Variants in MAGI2 observed in about 807,000 individuals in gnomAD.
The protein encoded by MAGI2 is membrane-associated guanylate kinase, WW and PDZ domain-containing protein 2.
A neutral mutation model predicts 133.3 loss-of-function variants in MAGI2; 35 were observed. The observed-to-expected ratio is 0.26, with a 90% CI of 0.20 to 0.35. The LOEUF (loss-of-function observed/expected upper bound fraction) is 0.35. Among genes scored for constraint, MAGI2 ranks in the 10% least tolerant of loss-of-function variants. The pLI, the probability that MAGI2 is intolerant of heterozygous loss-of-function variation, is 1.00. For synonymous variants in MAGI2, 729 were observed against 710.6 expected, an observed-to-expected ratio of 1.03 and a Z score of -0.41; for missense variants, 1,636 against 1,863.4, an observed-to-expected ratio of 0.88 and a Z score of 2.25.
intron 1 of MAGI2, among the ~76,000 whole-genome samples, chr7:79,444,885 G>A (rs1243286870): frequency 6.6e-6 from 1 of 152,170 alleles, no homozygotes; most frequent in Admixed American, 6.5e-5. Context: ...GAACAAAGCT[G>A]GAGGCATCAC....
chr7:78,831,574 G>A (rs944328468), intron 2 of MAGI2, among the ~76,000 whole-genome samples: 7 of 152,010 alleles, frequency 4.6e-5, no homozygotes, highest in African/African-American at 1.7e-4. Flanking sequence ...TTTATTAGAG[G>A]TTTAATTCTT....
At chr7:78,332,689 C>T (rs1297702044) in intron 9 of MAGI2, among the ~76,000 whole-genome samples, 2 of 109,344 alleles carry the variant, frequency 1.8e-5, no homozygotes, top group African/African-American at 7.5e-5. Context: ...CAGAGCGAGA[C>T]TCCGTCTCAA....
intron 14 of MAGI2, among the ~76,000 whole-genome samples, chr7:78,174,483 T>C (rs1184679930): frequency 6.6e-6 from 1 of 152,260 alleles, no homozygotes; most frequent in Non-Finnish European, 1.5e-5. Flanking sequence ...AGTTGTATTT[T>C]ATTTTGAGCA....
chr7:78,524,224 A>G (rs117029959), intron 3 of MAGI2, among the ~76,000 whole-genome samples: 11,598 of 152,228 alleles, frequency 0.076, 561 homozygotes, highest in Non-Finnish European at 0.11. Flanking sequence ...CTCCCCGGGT[A>G]GAAAGAGCCT....
chr7:78,658,678 T>C (rs918274556), intron 2 of MAGI2, among the ~76,000 whole-genome samples: 1 of 152,136 alleles, frequency 6.6e-6, no homozygotes, highest in East Asian at 1.9e-4. Context: ...CAAGAGTAAG[T>C]GGATATACGG....
rs149538036 is a variant in MAGI2, at chr7:78,761,527, G to T, written c.419-134288C>A. On this transcript the variant is annotated intron_variant, in intron 2 of 21. Coordinates refer to ENST00000354212, the MANE Select transcript of MAGI2 (RefSeq NM_012301.4). ...GTCCCCCAGGCTGGAGTGTTGTGGT[G>T]TGATTTCAGCTCACTGCAACCTCTG... Among the ~76,000 whole-genome samples the T allele has an allele frequency of 7.7e-3, 1,160 of 149,754 alleles. 8 individuals are homozygous for T. The highest frequency in any genetic ancestry group is 0.027 in the African/African-American group (1,101 of 40,666).
At position 78,723,144 on chromosome 7, in the gene MAGI2, A is replaced by T. The variant is rs151049489; in HGVS notation, c.419-95905T>A. The stretch of plus-strand genomic sequence containing the variant: ...TAGAAACGCATGATTAATCTTTTAA[A>T]TAATATCCTAATATTGTTTAAATAT... On this transcript the variant is annotated intron_variant, in intron 2 of 21. Coordinates refer to ENST00000354212, the MANE Select transcript of MAGI2 (RefSeq NM_012301.4). 1.6e-3 allele frequency among the ~76,000 whole-genome samples: 240 copies of T among 152,334 alleles called. 1 individual carries two copies. The highest frequency in any genetic ancestry group is 5.6e-3 in the African/African-American group (234 of 41,584).
chr7:79,431,710 T>A (rs1006445316), intron 1 of MAGI2, among the ~76,000 whole-genome samples: 1 of 152,160 alleles, frequency 6.6e-6, no homozygotes, highest in African/African-American at 2.4e-5. Context: ...TATCAGAAAA[T>A]TTGAAGCTTT....
At chr7:78,738,164 A>G (rs1345361864) in intron 2 of MAGI2, among the ~76,000 whole-genome samples, 2 of 152,150 alleles carry the variant, frequency 1.3e-5, no homozygotes, top group African/African-American at 4.8e-5. Flanking sequence ...AGTCACATTT[A>G]TGACTATTAT....
At chr7:78,692,748 T>C (rs2190662) in intron 2 of MAGI2, among the ~76,000 whole-genome samples, 71,717 of 151,954 alleles carry the variant, frequency 0.47, 17,292 homozygotes, top group Non-Finnish European at 0.52. Flanking sequence ...GCTCTAATCA[T>C]TGAATTAAAT....
intron 1 of MAGI2, among the ~76,000 whole-genome samples, chr7:79,065,886 G>A (rs948532080): frequency 1.6e-4 from 25 of 152,176 alleles, no homozygotes; most frequent in African/African-American, 5.3e-4. Context: ...CAAAGGACAA[G>A]AACTCATCCT....
intron 1 of MAGI2, among the ~76,000 whole-genome samples, chr7:79,374,739 TAGAA>T (rs1457112992): frequency 1.3e-5 from 2 of 152,092 alleles, no homozygotes; most frequent in Admixed American, 1.3e-4. Flanking sequence ...ATTAAAAAAT[TAGAA>T]AGAAACATTT....
chr7:78,670,329 A>C (rs970117457), intron 2 of MAGI2, among the ~76,000 whole-genome samples: 1 of 152,198 alleles, frequency 6.6e-6, no homozygotes, highest in Non-Finnish European at 1.5e-5. Flanking sequence ...CAATTGCTTC[A>C]AAGAGAATAA....
chr7:79,411,393 A>C (rs549441790), intron 1 of MAGI2: 1 of 152,256 alleles, frequency 6.6e-6, no homozygotes, highest in African/African-American at 2.4e-5. Context: ...CTGAAGAGAG[A>C]GTCTGAAACA....
chr7:78,525,068 C>A, intron 3 of MAGI2, among the ~76,000 whole-genome samples: 1 of 151,818 alleles, frequency 6.6e-6, no homozygotes, highest in African/African-American at 2.4e-5. Context: ...ACAGATCCTG[C>A]TAAATTTATA....
intron 6 of MAGI2, among the ~76,000 whole-genome samples, chr7:78,471,253 G>C (rs1247168442): frequency 6.6e-6 from 1 of 152,104 alleles, no homozygotes; most frequent in Non-Finnish European, 1.5e-5. Context: ...AGTGGAGTGA[G>C]ACATGAGAAG....
At chr7:78,802,132 C>A (rs1016007233) in intron 2 of MAGI2, among the ~76,000 whole-genome samples, 1 of 152,180 alleles carries the variant, frequency 6.6e-6, no homozygotes, top group South Asian at 2.1e-4. Flanking sequence ...TCCAGGCCTC[C>A]GTACCTACGA....
At chr7:79,015,205 AG>A (rs1469838408) in intron 1 of MAGI2, among the ~76,000 whole-genome samples, 10 of 152,136 alleles carry the variant, frequency 6.6e-5, no homozygotes, top group African/African-American at 2.4e-4. Context: ...TTGTAATCCC[AG>A]AACTTTGGGA....
intron 20 of MAGI2, among the ~76,000 whole-genome samples, chr7:78,100,847 T>C (rs552204517): frequency 6.6e-6 from 1 of 152,270 alleles, no homozygotes; most frequent in South Asian, 2.1e-4. Context: ...ATATGTGAAT[T>C]CAGTAAAGTT....
Sources: allele counts gnomAD v4.1 joint callset (sites outside exome capture counted in the v4.1 genomes callset), GRCh38; gene constraint gnomAD v4.1.1; transcripts MANE v1.5; gene names NCBI Gene and HGNC (gene_info 2026-07-23, HGNC 2026-07-21).